Variants in ING5 observed in about 807,000 individuals in gnomAD.
The protein encoded by ING5 is inhibitor of growth family member 5.
Under a neutral mutation model 37.4 loss-of-function variants are expected in ING5, and 17 were observed. The ratio of observed to expected loss-of-function variants is 0.45; its 90% CI spans 0.31 to 0.68. ING5 has a LOEUF of 0.68. Ranked by LOEUF, ING5 falls within the 30% of genes least tolerant of loss-of-function variation. The pLI is 0.05. For synonymous variants in ING5, 123 were observed against 116.6 expected, an observed-to-expected ratio of 1.06 and a Z score of -0.36; for missense variants, 233 against 311.9, an observed-to-expected ratio of 0.75 and a Z score of 1.91.
chr2:241,709,110 A>G, intron 2 of ING5, 106 bp from the exon 3 acceptor site: 1 of 1,221,666 alleles, frequency 8.2e-7, no homozygotes, highest in East Asian at 2.4e-5. Flanking sequence ...ATGTCAGCCT[A>G]CATCTTTGCC....
At chr2:241,710,514 C>T (rs1459091797) in intron 3 of ING5, among the ~76,000 whole-genome samples, 1 of 150,080 alleles carries the variant, frequency 6.7e-6, no homozygotes, top group Non-Finnish European at 1.5e-5. Flanking sequence ...GACAGAGCTT[C>T]GCTCTTGTTG....
intron 2 of ING5, among the ~76,000 whole-genome samples, chr2:241,708,533 G>A (rs2069996775): frequency 6.6e-6 from 1 of 152,306 alleles, no homozygotes; most frequent in East Asian, 1.9e-4. Context: ...CTAAACTGAA[G>A]GGTTAAGAGT....
chr2:241,721,317 C>G, intron 5 of ING5: 1 of 985,406 alleles, frequency 1.0e-6, no homozygotes, highest in Non-Finnish European at 1.2e-6. Flanking sequence ...GTCGGCAGCA[C>G]CTGGACCTGG....
intron 3 of ING5, 26 bp from the exon 4 acceptor site, chr2:241,711,351 A>G (rs1406599284): frequency 6.9e-7 from 1 of 1,457,576 alleles, no homozygotes; most frequent in Non-Finnish European, 9.1e-7. Flanking sequence ...TTACTTTAAA[A>G]TAAGACTTTG....
upstream of ING5, among the ~76,000 whole-genome samples, chr2:241,700,313 T>C (rs573651396): frequency 4.5e-4 from 68 of 150,744 alleles, no homozygotes; most frequent in African/African-American, 1.1e-3. Context: ...CCCGCCACCA[T>C]GCCCAGCTAA....
chr2:241,706,564 G>A (rs1168259434), intron 2 of ING5, among the ~76,000 whole-genome samples: 2 of 146,382 alleles, frequency 1.4e-5, no homozygotes, highest in African/African-American at 2.5e-5. Flanking sequence ...GGAGGCGGAG[G>A]TTGCACCTGG....
chr2:241,725,264 C>G lies in ING5; in HGVS notation c.*233C>G. The stretch of plus-strand genomic sequence containing the variant: ...CAGTGTGGCTTTTACAGGACTCCCC[C>G]CGAGCATCAGCAGGGACCCCGGCGG... On this transcript the variant is annotated 3_prime_UTR_variant, in exon 8 of 8. Transcript: ENST00000313552. 1.8e-6 allele frequency: 1 copy of G among 553,924 alleles called. No individual in the cohort carries two copies. Among genetic ancestry groups the G allele is most frequent in the Non-Finnish European group, 3.2e-6 (1 of 307,850 alleles). The allele number at this position is 553,924 out of a possible 1,614,324, so 34.3% of individuals were successfully genotyped here.
At chr2:241,690,317 C>A in exon 2 of ING5, 1 of 310,408 alleles carries the variant, frequency 3.2e-6, no homozygotes, top group Admixed American at 5.0e-5. Context: ...TAGCAGAATA[C>A]CAGCCAGCCT....
Position 241,711,990 on chromosome 2 carries a change from A to T in ING5, c.401A>T (p.Gln134Leu), listed in dbSNP as rs988468230. ...GATTATTTTTCAGAAGGCCGGGGTCAGAAAGAAAAAAGAGGGTCCCGGGGC... is the reference window on the plus strand; with the variant it reads ...GATTATTTTTCAGAAGGCCGGGGTCTGAAAGAAAAAAGAGGGTCCCGGGGC... Reference protein sequence around the residue: ...GGRGLKKGRGQKEKRGSRGRG... With the variant: ...GGRGLKKGRGLKEKRGSRGRG... Residue 134 changes from glutamine (Q) to leucine (L), a missense_variant, in exon 5 of 8, where the codon CAG becomes CTG. Gln to Leu is a moderately radical substitution (Grantham distance 113). Around this residue, in one of 4 missense-constraint regions of ING5, gnomAD observed 76 missense variants for 68.2 expected, o/e 1.11. Transcript: ENST00000313552. 5.0e-6 allele frequency: 8 copies of T among 1,606,850 alleles called. No individual in the cohort carries two copies. Among genetic ancestry groups the T allele is most frequent in the Non-Finnish European group, 6.8e-6 (8 of 1,177,438 alleles).
At chr2:241,699,304 C>T (rs371347983), upstream of ING5, among the ~76,000 whole-genome samples, 5 of 152,286 alleles carry the variant, frequency 3.3e-5, no homozygotes, top group South Asian at 2.1e-4. Context: ...GGATTACAGG[C>T]GTGAGCCACC....
chr2:241,719,629 G>T (rs187795685), intron 5 of ING5: 4 of 1,535,812 alleles, frequency 2.6e-6, no homozygotes, highest in South Asian at 2.4e-5. Flanking sequence ...TAGGCATAAG[G>T]AATGCAGGCA....
At chr2:241,708,477 G>C (rs1408541819) in intron 2 of ING5, among the ~76,000 whole-genome samples, 1 of 152,212 alleles carries the variant, frequency 6.6e-6, no homozygotes, top group Non-Finnish European at 1.5e-5. Flanking sequence ...AAAGTGCTGG[G>C]ATTACAGGCG....
At chr2:241,722,522 G>C in intron 5 of ING5, 1 of 985,464 alleles carries the variant, frequency 1.0e-6, no homozygotes, top group Non-Finnish European at 1.2e-6. Flanking sequence ...AGCTGCTGCT[G>C]TTCCTGGATT....
chr2:241,712,373 G>A (rs1410817016), intron 5 of ING5: 4 of 314,702 alleles, frequency 1.3e-5, no homozygotes, highest in Non-Finnish European at 2.4e-5. Context: ...AGTGTGTGCT[G>A]CCCCACTAGG....
chr2:241,701,626 G>T (rs1405348286), upstream of ING5, among the ~76,000 whole-genome samples: 1 of 152,188 alleles, frequency 6.6e-6, no homozygotes, highest in Non-Finnish European at 1.5e-5. Flanking sequence ...TTCGGGAAGG[G>T]AGGGCCTCGT....
intron 5 of ING5, chr2:241,722,327 G>T: frequency 1.0e-6 from 1 of 985,390 alleles, no homozygotes; most frequent in African/African-American, 1.7e-5. Context: ...TGAGTCCAGA[G>T]GTCCCCGGGG....
chr2:241,691,509 G>T (rs902989463), intron 2 of ING5, among the ~76,000 whole-genome samples: 4 of 148,826 alleles, frequency 2.7e-5, no homozygotes, highest in African/African-American at 4.9e-5. Context: ...GTTTCTTAGT[G>T]TGCTGCAACT....
chr2:241,724,720 C>T lies in ING5; in HGVS notation c.681-269C>T, dbSNP rs1237786690. 19 of 528,554 alleles carry T rather than the reference C, an allele frequency of 3.6e-5. No homozygotes were observed. In the East Asian group the frequency reaches 5.7e-4, roughly 16 times the overall value. The allele number at this position is 528,554 out of a possible 1,614,324, so 32.7% of individuals were successfully genotyped here. On this transcript the variant is annotated intron_variant, in intron 7 of 7. Coordinates refer to ENST00000313552, the MANE Select transcript of ING5 (RefSeq NM_032329.6). ...TGCCATCGGCCGGGGAAGAAGGACCCACCTGTTAAGGAGGAACGCCTGGGT... is the reference window on the plus strand; with the variant it reads ...TGCCATCGGCCGGGGAAGAAGGACCTACCTGTTAAGGAGGAACGCCTGGGT...
chr2:241,712,806 A>G (rs1396954008), intron 5 of ING5, among the ~76,000 whole-genome samples: 1 of 152,058 alleles, frequency 6.6e-6, no homozygotes, highest in African/African-American at 2.4e-5. Flanking sequence ...CGGGAGGATC[A>G]CTTGAGCCCA....
Sources: gnomAD v4.1 joint callset for allele counts (sites outside exome capture counted in the v4.1 genomes callset) on GRCh38, gnomAD v4.1.1 for gene constraint, gnomAD v4.1.1 regional missense constraint, MANE v1.5 for transcripts, NCBI Gene and HGNC (gene_info 2026-07-23, HGNC 2026-07-21) for gene names.